Variants in DAB2IP observed in about 807,000 individuals in gnomAD.
DAB2IP encodes disabled homolog 2-interacting protein.
DAB2IP carries 28 observed loss-of-function variants against 107.2 expected under a neutral mutation model. The ratio of observed to expected loss-of-function variants is 0.26; its 90% CI spans 0.19 to 0.36. The LOEUF (loss-of-function observed/expected upper bound fraction) is 0.36, where lower values mean the gene tolerates loss of function less well. Among genes scored for constraint, DAB2IP ranks in the 10% least tolerant of loss-of-function variants. The pLI is 1.00. For synonymous variants in DAB2IP, 755 were observed against 706.4 expected (o/e 1.07, Z -1.09); for missense variants, 1,400 against 1,644.7 (o/e 0.85, Z 2.57).
At chr9:121,645,319 C>T (rs972428282) in intron 1 of DAB2IP, among the ~76,000 whole-genome samples, 2 of 152,148 alleles carry the variant, frequency 1.3e-5, no homozygotes, top group Non-Finnish European at 2.9e-5. Flanking sequence ...GGGGCTGGGG[C>T]CTGGAGAGTG....
Position 121,772,829 on chromosome 9 carries a change from C to A in DAB2IP, c.2301C>A (p.Pro767=). 6.2e-7 allele frequency: 1 copy of A among 1,604,242 alleles called. No homozygotes were observed. The highest frequency in any genetic ancestry group is 1.1e-5 in the South Asian group (1 of 90,520). The change falls in exon 12 of 16, where the codon CCC becomes CCA. Residue 767 remains proline, a synonymous_variant. Coordinates refer to ENST00000408936, the Ensembl canonical transcript of DAB2IP. The surrounding 1 kb of genome is among the most constrained non-coding windows in gnomAD (Gnocchi z 4.7). ...GGGAGGCAGGCTCCCCGGCGGGCCCCGACGTCCTCCCCACAGATGGGCAGG... is the reference window on the plus strand; with the variant it reads ...GGGAGGCAGGCTCCCCGGCGGGCCCAGACGTCCTCCCCACAGATGGGCAGG...
chr9:121,721,695 A>T (rs865941561), intron 3 of DAB2IP, among the ~76,000 whole-genome samples: 4 of 152,364 alleles, frequency 2.6e-5, no homozygotes, highest in South Asian at 2.1e-4. Context: ...TAAAAATGTC[A>T]ACACTGTGTG....
chr9:121,640,149 A>G (rs987083709), intron 1 of DAB2IP, among the ~76,000 whole-genome samples: 2 of 152,116 alleles, frequency 1.3e-5, no homozygotes, highest in African/African-American at 4.8e-5. Flanking sequence ...GAGCCCTGGG[A>G]GTCCTGGGTG....
At chr9:121,608,160 G>A (rs1447979210) in intron 1 of DAB2IP, among the ~76,000 whole-genome samples, 1 of 152,246 alleles carries the variant, frequency 6.6e-6, no homozygotes, top group Non-Finnish European at 1.5e-5. Context: ...ACTTGACGCT[G>A]TGCAGAGCCC....
At position 121,594,665 on chromosome 9, in the gene DAB2IP, G is replaced by C. The variant is rs1374045523; in HGVS notation, c.40+27437G>C. ...GGTTTCTGAGTTTTTGGGTCACTCA[G>C]TCCTTTTCTTCATTCAATAAACCTT... is the stretch of plus-strand genomic sequence containing the variant. On this transcript the variant is annotated intron_variant, in intron 1 of 16. Transcript: ENST00000259371. Among the ~76,000 whole-genome samples, 4 of 152,308 alleles carry C rather than the reference G, an allele frequency of 2.6e-5. No individual in the cohort carries two copies. In the East Asian group the frequency reaches 7.7e-4, roughly 29 times the overall value.
At chr9:121,581,856 C>T (rs984589826) in intron 1 of DAB2IP, among the ~76,000 whole-genome samples, 13 of 152,200 alleles carry the variant, frequency 8.5e-5, no homozygotes, top group African/African-American at 2.2e-4. Flanking sequence ...AGCCAGAAAT[C>T]GCCTGTGCTC....
intron 3 of DAB2IP, among the ~76,000 whole-genome samples, chr9:121,730,736 A>T (rs1185000726): frequency 6.6e-6 from 1 of 152,214 alleles, no homozygotes; most frequent in African/African-American, 2.4e-5. Context: ...CACAGCTGGC[A>T]CTTTCTAGCT....
intron 1 of DAB2IP, among the ~76,000 whole-genome samples, chr9:121,676,837 G>A (rs951954072): frequency 9.9e-5 from 15 of 152,162 alleles, no homozygotes; most frequent in Admixed American, 8.5e-4. Flanking sequence ...CTCTGTTGGG[G>A]GCCACCTCTG....
At chr9:121,748,909 C>T (rs957011963) in intron 3 of DAB2IP, among the ~76,000 whole-genome samples, 1 of 152,180 alleles carries the variant, frequency 6.6e-6, no homozygotes, top group African/African-American at 2.4e-5. Context: ...TCTCACAGCC[C>T]AGGGCGTTCT....
At chr9:121,620,286 TC>T (rs1354052770) in intron 1 of DAB2IP, among the ~76,000 whole-genome samples, 1 of 152,126 alleles carries the variant, frequency 6.6e-6, no homozygotes, top group East Asian at 1.9e-4. Flanking sequence ...GCTGTTTGCT[TC>T]CACCTGTTTA....
chr9:121,675,529 G>A (rs1476365007), intron 1 of DAB2IP, among the ~76,000 whole-genome samples: 1 of 152,176 alleles, frequency 6.6e-6, no homozygotes, highest in East Asian at 1.9e-4. Context: ...GAACCCGGGG[G>A]TCTGCCTCTG....
At position 121,584,866 on chromosome 9, in the gene DAB2IP, A is replaced by G. The variant is rs114316272; in HGVS notation, c.40+17638A>G. ...CATGCCGTAAATTTCCCAGCTTTGGACAAGGCAGCACTAGGTTTATTTTTA... is the reference window on the plus strand; with the variant it reads ...CATGCCGTAAATTTCCCAGCTTTGGGCAAGGCAGCACTAGGTTTATTTTTA... On this transcript the variant is annotated intron_variant, in intron 1 of 16. Transcript: ENST00000259371. 3.5e-3 allele frequency among the ~76,000 whole-genome samples: 532 copies of G among 152,132 alleles called. 5 individuals carry two copies. Among genetic ancestry groups the G allele is most frequent in the African/African-American group, 0.012 (501 of 41,464 alleles).
intron 1 of DAB2IP, among the ~76,000 whole-genome samples, chr9:121,619,700 G>T (rs1208403369): frequency 1.3e-5 from 2 of 152,220 alleles, no homozygotes; most frequent in Non-Finnish European, 2.9e-5. Context: ...AGTATGTTGT[G>T]ATCCCAGTAA....
chr9:121,719,230 G>A lies in DAB2IP; in HGVS notation c.362+19772G>A, dbSNP rs190734028. Among the ~76,000 whole-genome samples, 393 of 152,334 alleles carry A rather than the reference G, an allele frequency of 2.6e-3. 5 individuals carry two copies. Among genetic ancestry groups the A allele is most frequent in the Non-Finnish European group, 2.4e-3 (165 of 68,024 alleles). ...GATGGGCAGCTGAGGCCAGGAATGAGGAGGGGATGTACCCAAGGACACGTA... is the reference window on the plus strand; with the variant it reads ...GATGGGCAGCTGAGGCCAGGAATGAAGAGGGGATGTACCCAAGGACACGTA... On this transcript the variant is annotated intron_variant, in intron 3 of 15. Coordinates refer to ENST00000408936, the Ensembl canonical transcript of DAB2IP.
chr9:121,582,736 C>G (rs1200079201), intron 1 of DAB2IP, among the ~76,000 whole-genome samples: 1 of 152,236 alleles, frequency 6.6e-6, no homozygotes, highest in Non-Finnish European at 1.5e-5. Context: ...TTCCATGACT[C>G]TCTTCTGAGC....
intron 2 of DAB2IP, among the ~76,000 whole-genome samples, chr9:121,682,202 C>G (rs1828635422): frequency 6.6e-6 from 1 of 152,194 alleles, no homozygotes; most frequent in African/African-American, 2.4e-5. Flanking sequence ...AAGCTATGTC[C>G]TCACGTGCTC....
intron 7 of DAB2IP, 37 bp from the exon 8 acceptor site, chr9:121,763,698 G>A (rs1305853218): frequency 1.2e-6 from 2 of 1,611,966 alleles, no homozygotes; most frequent in Non-Finnish European, 1.7e-6. Flanking sequence ...GGGCCCGCCA[G>A]GTCCTCACTC....
chr9:121,746,551 C>A (rs1832733813), intron 3 of DAB2IP, among the ~76,000 whole-genome samples: 1 of 152,110 alleles, frequency 6.6e-6, no homozygotes, highest in Non-Finnish European at 1.5e-5. Flanking sequence ...CCCTAGATCA[C>A]CCCAACATGA....
In DAB2IP at chr9:121,660,894, A is replaced by C. The variant is rs115346727; in HGVS notation, c.124+8995A>C. Among the ~76,000 whole-genome samples the C allele has an allele frequency of 3.1e-3, 471 of 152,132 alleles. 1 individual carries two copies. Among genetic ancestry groups the C allele is most frequent in the African/African-American group, 0.011 (446 of 41,500 alleles). ...GTGTGGCCCACCCTCATATTATGCTACTTCATAGTTTTCATTTATAGACAT... is the reference window on the plus strand; with the variant it reads ...GTGTGGCCCACCCTCATATTATGCTCCTTCATAGTTTTCATTTATAGACAT... On this transcript the variant is annotated intron_variant, in intron 1 of 15. Coordinates refer to ENST00000408936, the Ensembl canonical transcript of DAB2IP.
Sources: allele counts gnomAD v4.1 joint callset (sites outside exome capture counted in the v4.1 genomes callset), GRCh38; gene constraint gnomAD v4.1.1; non-coding constraint Gnocchi (gnomAD v3.1); transcripts MANE v1.5; gene names NCBI Gene and HGNC (gene_info 2026-07-23, HGNC 2026-07-21).